The following CDH12 variants were observed in gnomAD, a reference collection of about 807,000 sequenced individuals.
CDH12 encodes cadherin-12.
CDH12 carries 41 observed loss-of-function variants against 74.1 expected under a neutral mutation model. The observed-to-expected ratio is 0.55, with a 90% CI of 0.43 to 0.72. The LOEUF (loss-of-function observed/expected upper bound fraction) is 0.72, where lower values mean the gene tolerates loss of function less well. CDH12 is among the 30% of genes least tolerant of loss of function. The pLI, the probability that CDH12 is intolerant of heterozygous loss-of-function variation, is 0.00. For synonymous variants in CDH12, 399 were observed against 355.0 expected, an observed-to-expected ratio of 1.12 and a Z score of -1.39; for missense variants, 945 against 977.2, an observed-to-expected ratio of 0.97 and a Z score of 0.44.
intron 6 of CDH12, among the ~76,000 whole-genome samples, chr5:21,951,872 C>A (rs1289247609): frequency 6.6e-6 from 1 of 152,134 alleles, no homozygotes; most frequent in African/African-American, 2.4e-5. Context: ...AGGGAAAGTT[C>A]ATCAACACCA....
rs1314198058 is a variant in CDH12 at position 21,880,564 on chromosome 5, C to CTTCTTTCT, written c.527-25782_527-25775dup. On this transcript the variant is annotated intron_variant, in intron 6 of 14. Coordinates refer to ENST00000382254, the MANE Select transcript of CDH12 (RefSeq NM_004061.5). ...CTTCCTTCCTTCCTTCCTTCCTTCC[C>CTTCTTTCT]TTCTTTCTTTCCTTCCTTCCTTCCT... 2.3e-3 allele frequency among the ~76,000 whole-genome samples: 34 copies of CTTCTTTCT among 14,514 alleles called. 3 individuals are homozygous for CTTCTTTCT. The highest frequency in any genetic ancestry group is 3.8e-3 in the African/African-American group (32 of 8,402). 9.5% of individuals were successfully genotyped at this position (14,514 alleles called of 152,430 possible).
chr5:22,008,125 T>A (rs944747582), intron 5 of CDH12, among the ~76,000 whole-genome samples: 4 of 152,212 alleles, frequency 2.6e-5, no homozygotes, highest in African/African-American at 9.6e-5. Flanking sequence ...GCACTCACCA[T>A]ATATTTGTTG....
chr5:22,689,123 C>T (rs1741954770), intron 1 of CDH12, among the ~76,000 whole-genome samples: 1 of 152,040 alleles, frequency 6.6e-6, no homozygotes, highest in Non-Finnish European at 1.5e-5. Flanking sequence ...CTGTAGTATT[C>T]TAGTATATAT....
intron 5 of CDH12, among the ~76,000 whole-genome samples, chr5:21,992,737 C>T (rs182617235): frequency 3.9e-5 from 6 of 152,232 alleles, no homozygotes; most frequent in Admixed American, 3.9e-4. Flanking sequence ...ACAGACAGAA[C>T]TTATAAACGG....
intron 1 of CDH12, among the ~76,000 whole-genome samples, chr5:22,712,457 T>C (rs1743338399): frequency 6.8e-6 from 1 of 147,356 alleles, no homozygotes; most frequent in Non-Finnish European, 1.5e-5. Flanking sequence ...CTCTAATCAA[T>C]AGAGGCCTTT....
chr5:22,496,922 C>T (rs907267288), intron 2 of CDH12, among the ~76,000 whole-genome samples: 2 of 152,220 alleles, frequency 1.3e-5, no homozygotes, highest in Admixed American at 1.3e-4. Flanking sequence ...GTAATCAAAT[C>T]CTGGGTCAAG....
intron 4 of CDH12, among the ~76,000 whole-genome samples, chr5:22,208,944 A>G (rs1751379579): frequency 6.6e-6 from 1 of 152,294 alleles, no homozygotes; most frequent in East Asian, 1.9e-4. Context: ...TTTTCCAACA[A>G]CCTAGAGAAT....
chr5:22,237,839 A>G (rs183274531), intron 3 of CDH12, among the ~76,000 whole-genome samples: 8 of 152,274 alleles, frequency 5.3e-5, no homozygotes, highest in Non-Finnish European at 1.0e-4. Flanking sequence ...TTGTTAATAT[A>G]CATACATTTT....
At chr5:22,725,763 A>C (rs1201142218) in intron 1 of CDH12, among the ~76,000 whole-genome samples, 1 of 151,732 alleles carries the variant, frequency 6.6e-6, no homozygotes, top group Non-Finnish European at 1.5e-5. Flanking sequence ...CACATTTCCA[A>C]AGAAAGTGAC....
chr5:21,999,855 C>A (rs1472416812), intron 5 of CDH12, among the ~76,000 whole-genome samples: 3 of 151,196 alleles, frequency 2.0e-5, no homozygotes, highest in African/African-American at 7.3e-5. Context: ...GGTGCTATGA[C>A]CTTGGGCAAA....
intron 6 of CDH12, among the ~76,000 whole-genome samples, chr5:21,929,850 C>A (rs892704548): frequency 6.6e-6 from 1 of 152,024 alleles, no homozygotes; most frequent in African/African-American, 2.4e-5. Context: ...GAAAACTGAA[C>A]AATTTCCTAC....
At chr5:22,133,056 A>G (rs1746263373) in intron 4 of CDH12, among the ~76,000 whole-genome samples, 1 of 152,296 alleles carries the variant, frequency 6.6e-6, no homozygotes, top group South Asian at 2.1e-4. Context: ...TACTTTGATG[A>G]TCATCTCAGA....
chr5:22,126,125 A>G (rs543858427), intron 4 of CDH12, among the ~76,000 whole-genome samples: 2 of 152,104 alleles, frequency 1.3e-5, no homozygotes, highest in African/African-American at 4.8e-5. Context: ...ACTATTATAG[A>G]CCTGCATATA....
At chr5:22,822,396 CT>C (rs1426038038) in intron 1 of CDH12, among the ~76,000 whole-genome samples, 1 of 151,938 alleles carries the variant, frequency 6.6e-6, no homozygotes, top group Non-Finnish European at 1.5e-5. Flanking sequence ...TCTAATTAAA[CT>C]AAAGAGCTTC....
At chr5:22,198,377 T>C (rs7730922) in intron 4 of CDH12, among the ~76,000 whole-genome samples, 150,657 of 152,106 alleles carry the variant, frequency 0.99, 74,636 homozygotes, top group Middle Eastern at 1. Flanking sequence ...ATCGTATAAA[T>C]ATGTTACATA....
At chr5:22,187,508 G>A (rs1750025059) in intron 4 of CDH12, among the ~76,000 whole-genome samples, 1 of 150,988 alleles carries the variant, frequency 6.6e-6, no homozygotes, top group Non-Finnish European at 1.5e-5. Context: ...GTGAATGCTA[G>A]CAGAATGTCT....
At chr5:22,108,483 C>T (rs950993704) in intron 4 of CDH12, among the ~76,000 whole-genome samples, 4 of 152,162 alleles carry the variant, frequency 2.6e-5, no homozygotes, top group Non-Finnish European at 5.9e-5. Context: ...GATTGGTATA[C>T]TCTGGAATGA....
At chr5:22,819,153 G>A (rs1046222648) in intron 1 of CDH12, among the ~76,000 whole-genome samples, 1 of 152,098 alleles carries the variant, frequency 6.6e-6, no homozygotes, top group Admixed American at 6.6e-5. Flanking sequence ...AATCGAATTA[G>A]CATTCTCCCT....
chr5:22,289,739 G>A (rs537093676), intron 3 of CDH12, among the ~76,000 whole-genome samples: 2 of 152,130 alleles, frequency 1.3e-5, no homozygotes, highest in Non-Finnish European at 2.9e-5. Flanking sequence ...CAGCACAAGA[G>A]AGAAACGGTC....
Sources: allele counts gnomAD v4.1 joint callset (sites outside exome capture counted in the v4.1 genomes callset), GRCh38; gene constraint gnomAD v4.1.1; transcripts MANE v1.5; gene names NCBI Gene and HGNC (gene_info 2026-07-23, HGNC 2026-07-21).